The following GPR35 variants were observed in gnomAD, a reference collection of about 807,000 sequenced individuals.
The protein encoded by GPR35 is KYNA receptor.
For missense variants in GPR35, 372 were observed against 422.5 expected (o/e 0.88, Z 1.05); for synonymous variants, 207 against 198.4 (o/e 1.04, Z -0.36).
chr2:240,615,105 A>C (rs73005884), intron 2 of GPR35, among the ~76,000 whole-genome samples: 6,319 of 150,224 alleles, frequency 0.042, 161 homozygotes, highest in South Asian at 0.078. Flanking sequence ...GTGTGTATGT[A>C]TATGCCTGTG....
At position 240,630,906 on chromosome 2, in the gene GPR35, G is replaced by A. The variant is rs573808691; in HGVS notation, c.*24G>A. On this transcript the variant is annotated 3_prime_UTR_variant, in exon 2 of 2. Transcript: ENST00000407714. Reference sequence around the variant, plus strand: ...AAGAGGCGTGCTGTGGGCGCTGTGGGCCAGGTCTCGGGGGCTCCGGGAGGT... The same window carrying A: ...AAGAGGCGTGCTGTGGGCGCTGTGGACCAGGTCTCGGGGGCTCCGGGAGGT... 2.6e-5 allele frequency: 41 copies of A among 1,592,098 alleles called. No homozygotes were observed. The highest frequency in any genetic ancestry group is 1.4e-4 in the South Asian group (13 of 90,218).
chr2:240,617,572 A>C, intron 4 of GPR35: 1 of 276,194 alleles, frequency 3.6e-6, no homozygotes, highest in Non-Finnish European at 7.0e-6. Context: ...TCCTTCATTA[A>C]CTCTTTGGTC....
intron 4 of GPR35, chr2:240,618,758 G>C (rs1472766932): frequency 8.6e-6 from 4 of 466,664 alleles, no homozygotes; most frequent in Non-Finnish European, 1.5e-5. Flanking sequence ...AAAACATACA[G>C]CTGATGGCTC....
chr2:240,616,741 T>TAAAAAAA (rs767683322), intron 3 of GPR35, among the ~76,000 whole-genome samples: 2 of 99,940 alleles, frequency 2.0e-5, no homozygotes, highest in African/African-American at 3.9e-5. Context: ...AACAATACAG[T>TAAAAAAA]AAAAAAAAAA....
chr2:240,612,206 G>A (rs539857377), intron 2 of GPR35, among the ~76,000 whole-genome samples: 11 of 151,842 alleles, frequency 7.2e-5, no homozygotes, highest in East Asian at 1.9e-4. Flanking sequence ...CGAGGCGGGC[G>A]GATCATGAGG....
chr2:240,605,801 C>T (rs2043126646), intron 1 of GPR35, among the ~76,000 whole-genome samples: 1 of 152,236 alleles, frequency 6.6e-6, no homozygotes, highest in Non-Finnish European at 1.5e-5. Flanking sequence ...TTTTGCCAGA[C>T]TTAAGCTAGT....
chr2:240,629,901 TC>T (rs781136110), intron 1 of GPR35, 47 bp from the exon 2 acceptor site: 169 of 1,490,794 alleles, frequency 1.1e-4, no homozygotes, highest in Non-Finnish European at 1.5e-4. Flanking sequence ...AGTGCCTTGC[TC>T]CCCCTGCTCA....
intron 1 of GPR35, among the ~76,000 whole-genome samples, chr2:240,605,931 C>T (rs372851479): frequency 3.3e-5 from 5 of 152,202 alleles, no homozygotes; most frequent in African/African-American, 1.2e-4. Flanking sequence ...GTCTTTTCTG[C>T]TTTGGAGGAA....
intron 2 of GPR35, among the ~76,000 whole-genome samples, chr2:240,612,929 G>A (rs113646810): frequency 0.018 from 2,710 of 152,320 alleles, 64 homozygotes; most frequent in African/African-American, 0.061. Flanking sequence ...CACTGTCCCC[G>A]ACCTCCCAGG....
chr2:240,630,017 G>A lies in GPR35; in HGVS notation c.65G>A (p.Gly22Asp), dbSNP rs780778076. Residue 22 changes from glycine to aspartate, a missense_variant, in exon 2 of 2, where the codon GGC becomes GAC. Physicochemically the swap from Gly to Asp is moderately conservative, Grantham distance 94. Transcript: ENST00000407714. Reference protein sequence around the residue: ...DLTWPPAIKLGFYAYLGVLLV... With the variant: ...DLTWPPAIKLDFYAYLGVLLV... ...ACCTGGCCCCCAGCGATCAAGCTGG[G>A]CTTCTACGCCTACTTGGGCGTCCTG... is the stretch of plus-strand genomic sequence containing the variant. 3.3e-5 allele frequency: 54 copies of A among 1,612,606 alleles called. No homozygotes were observed. The highest frequency in any genetic ancestry group is 9.3e-6 in the Non-Finnish European group (11 of 1,179,772).
At chr2:240,606,860 A>G (rs1176921857) in intron 2 of GPR35, among the ~76,000 whole-genome samples, 1 of 152,216 alleles carries the variant, frequency 6.6e-6, no homozygotes, top group Non-Finnish European at 1.5e-5. Flanking sequence ...CTCCTGGGCA[A>G]TTGGGAGCCA....
At chr2:240,619,146 G>A (rs1027425970) in intron 5 of GPR35, 1 of 592,136 alleles carries the variant, frequency 1.7e-6, no homozygotes, top group Non-Finnish European at 3.1e-6. Flanking sequence ...TTAGAGATCA[G>A]TGATCAATGG....
In GPR35 at chr2:240,630,902, G is replaced by A. The variant is rs780346623; in HGVS notation, c.*20G>A. ...GCCTAAGAGGCGTGCTGTGGGCGCT[G>A]TGGGCCAGGTCTCGGGGGCTCCGGG... On this transcript the variant is annotated 3_prime_UTR_variant, in exon 2 of 2. Coordinates refer to ENST00000407714, the MANE Select transcript of GPR35 (RefSeq NM_005301.5). 1.9e-6 allele frequency: 3 copies of A among 1,595,678 alleles called. No individual in the cohort carries two copies. The highest frequency in any genetic ancestry group is 2.6e-6 in the Non-Finnish European group (3 of 1,167,168).
upstream of GPR35, chr2:240,625,421 C>T (rs932365573): frequency 1.0e-6 from 1 of 985,426 alleles, no homozygotes; most frequent in South Asian, 4.7e-5. Flanking sequence ...GCCCGCCCCC[C>T]CACCTTAAGG....
chr2:240,611,471 A>C (rs1287589257), intron 2 of GPR35, among the ~76,000 whole-genome samples: 1 of 152,042 alleles, frequency 6.6e-6, no homozygotes, highest in East Asian at 1.9e-4. Context: ...AGACTATTAT[A>C]CTTCCTTGTT....
In GPR35 at chr2:240,630,101, A is replaced by G. The variant is rs1235621133; in HGVS notation, c.149A>G (p.Gln50Arg). The G allele has an allele frequency of 6.2e-6, 10 of 1,609,000 alleles. No homozygotes were observed. The Admixed American group carries it at 8.3e-5, about 13-fold the overall frequency. The change falls in exon 2 of 2, where the codon CAG (glutamine) becomes CGG (arginine). Residue 50 changes from glutamine (Q) to arginine (R), a missense_variant. By Grantham distance (43) the Gln-to-Arg change is conservative (BLOSUM62 1). Transcript: ENST00000407714. ...CTCTGGGTGTTCTGCTGCCGCATGC[A>G]GCAGTGGACGGAGACCCGCATCTAC... ...LALWVFCCRMQQWTETRIYMT... is the reference protein window; with the variant it reads ...LALWVFCCRMRQWTETRIYMT...
At chr2:240,622,038 G>A (rs2953151), upstream of GPR35, among the ~76,000 whole-genome samples, 110,503 of 150,166 alleles carry the variant, frequency 0.74, 40,494 homozygotes, top group Middle Eastern at 0.84. Context: ...ATGCGTGGCT[G>A]ATTTTTTTTT....
At chr2:240,624,315 CA>C (rs1051563208), upstream of GPR35, among the ~76,000 whole-genome samples, 1 of 152,084 alleles carries the variant, frequency 6.6e-6, no homozygotes, top group African/African-American at 2.4e-5. Flanking sequence ...GCAGGGAACC[CA>C]AGGGCGCACA....
At position 240,620,005 on chromosome 2, in the gene GPR35, G is replaced by C. The variant is rs543760402; in HGVS notation, c.-5+974G>C. ...CAGTTGAAGGGCCAAGGAGCAGGCA[G>C]CTTCCCAGTCACAGAGCCTTGTGCA... is the stretch of plus-strand genomic sequence containing the variant. On this transcript the variant is annotated intron_variant, in intron 5 of 5. Coordinates refer to the GPR35 transcript ENST00000319838. Among the ~76,000 whole-genome samples, 109 of 152,344 alleles carry C rather than the reference G, an allele frequency of 7.2e-4. No homozygotes were observed. The Middle Eastern group carries it at 0.017, about 24-fold the overall frequency.
Sources: gnomAD v4.1 joint callset for allele counts (sites outside exome capture counted in the v4.1 genomes callset) on GRCh38, gnomAD v4.1.1 for gene constraint, MANE v1.5 for transcripts, NCBI Gene and HGNC (gene_info 2026-07-23, HGNC 2026-07-21) for gene names.